The following CDKAL1 variants were observed in gnomAD, a reference collection of about 807,000 sequenced individuals.
CDKAL1 encodes the protein CDKAL1 threonylcarbamoyladenosine tRNA methylthiotransferase, also known as threonylcarbamoyladenosine tRNA methylthiotransferase.
Under a neutral mutation model 68.2 loss-of-function variants are expected in CDKAL1, and 32 were observed. That is an observed-to-expected ratio of 0.47 (90% confidence interval 0.35 to 0.63). CDKAL1 has a LOEUF of 0.63. CDKAL1 is among the 30% of genes least tolerant of loss of function. The pLI, the probability that CDKAL1 is intolerant of heterozygous loss-of-function variation, is 0.00. For synonymous variants in CDKAL1, 234 were observed against 244.3 expected (o/e 0.96, Z 0.39); for missense variants, 606 against 696.7 (o/e 0.87, Z 1.47).
At chr6:20,694,188 ACAAACAAACAAG>A (rs1217325291) in intron 5 of CDKAL1, among the ~76,000 whole-genome samples, 1 of 151,920 alleles carries the variant, frequency 6.6e-6, no homozygotes, top group East Asian at 1.9e-4. Flanking sequence ...AAACAAACAA[ACAAACAAACAAG>A]CAAACAAACA....
chr6:20,810,489 C>T (rs192269372), intron 8 of CDKAL1, among the ~76,000 whole-genome samples: 7 of 149,472 alleles, frequency 4.7e-5, no homozygotes, highest in South Asian at 2.1e-4. Context: ...CTTAGCTACT[C>T]GTGAGGCTGA....
chr6:20,658,520 A>C (rs1395638596), intron 5 of CDKAL1, among the ~76,000 whole-genome samples: 2 of 152,156 alleles, frequency 1.3e-5, no homozygotes, highest in African/African-American at 4.8e-5. Context: ...TATTCTGTTG[A>C]GCAAAACATA....
intron 14 of CDKAL1, among the ~76,000 whole-genome samples, chr6:21,200,348 AAC>A (rs1432943481): frequency 1.3e-5 from 2 of 152,196 alleles, no homozygotes; most frequent in African/African-American, 4.8e-5. Context: ...AGGACTGACA[AAC>A]ACATGCCTTT....
intron 13 of CDKAL1, among the ~76,000 whole-genome samples, chr6:21,126,765 A>G (rs758564538): frequency 1.5e-4 from 23 of 152,242 alleles, no homozygotes; most frequent in Non-Finnish European, 2.8e-4. Context: ...ATTTAGGACT[A>G]TGTTATGAAT....
intron 11 of CDKAL1, among the ~76,000 whole-genome samples, chr6:21,025,102 T>A (rs1446322648): frequency 6.6e-6 from 1 of 152,230 alleles, no homozygotes. Flanking sequence ...AAAATCCACT[T>A]GTCTGATATA....
At chr6:20,680,536 G>A (rs528402255) in intron 5 of CDKAL1, among the ~76,000 whole-genome samples, 2 of 152,196 alleles carry the variant, frequency 1.3e-5, no homozygotes, top group African/African-American at 2.4e-5. Context: ...CCTTACATTC[G>A]GTGCTCAAAC....
At chr6:21,146,573 C>G (rs569047567) in intron 13 of CDKAL1, among the ~76,000 whole-genome samples, 2 of 152,012 alleles carry the variant, frequency 1.3e-5, no homozygotes, top group Non-Finnish European at 1.5e-5. Context: ...AAATTTGGCC[C>G]GGCGTGGTGG....
At chr6:20,785,973 C>A (rs1775654281) in intron 8 of CDKAL1, among the ~76,000 whole-genome samples, 1 of 152,186 alleles carries the variant, frequency 6.6e-6, no homozygotes, top group South Asian at 2.1e-4. Flanking sequence ...GTAATCCCAG[C>A]ACTTTGGGAG....
intron 7 of CDKAL1, 152 bp downstream of exon 7, chr6:20,758,795 C>CA: frequency 1.6e-6 from 1 of 612,414 alleles, no homozygotes. Context: ...ATGAATTTGC[C>CA]AGTCTAATAT....
rs1778673151 is a variant in CDKAL1 at position 21,201,138 on chromosome 6, T to C, written c.1412T>C (p.Met471Thr). 1 of 1,613,344 alleles carries C rather than the reference T, an allele frequency of 6.2e-7. No homozygotes were observed. Residue 471 changes from methionine (M) to threonine (T), a missense_variant, in exon 15 of 16, where the codon ATG (methionine) becomes ACG (threonine). Physicochemically the swap from Met to Thr is moderately conservative, Grantham distance 81. Coordinates refer to ENST00000274695, the MANE Select transcript of CDKAL1 (RefSeq NM_017774.3). ...QVLVPKNPAF[M>T]GKMVEVDIYE... ...TTAGTGCCAAAGAACCCTGCGTTCA[T>C]GGGGAAGATGGTTGAAGTGGACATC...
chr6:20,703,070 G>A (rs774191017), intron 5 of CDKAL1, among the ~76,000 whole-genome samples: 3 of 152,192 alleles, frequency 2.0e-5, no homozygotes, highest in Non-Finnish European at 4.4e-5. Flanking sequence ...AATATGTGTT[G>A]CAAATATAGT....
chr6:20,838,436 T>C (rs542822911), intron 8 of CDKAL1, among the ~76,000 whole-genome samples: 2 of 152,332 alleles, frequency 1.3e-5, no homozygotes, highest in Middle Eastern at 3.4e-3. Flanking sequence ...TTGGAAAGTA[T>C]AGATAATATC....
intron 9 of CDKAL1, among the ~76,000 whole-genome samples, chr6:20,886,091 T>G (rs745487577): frequency 1.3e-5 from 2 of 151,850 alleles, no homozygotes; most frequent in Non-Finnish European, 2.9e-5. Context: ...AGTTAGAAAA[T>G]GGACAAAAGA....
intron 13 of CDKAL1, among the ~76,000 whole-genome samples, chr6:21,153,861 C>T (rs2151053103): frequency 6.6e-6 from 1 of 152,242 alleles, no homozygotes; most frequent in South Asian, 2.1e-4. Context: ...TGCAGGTCCT[C>T]TGGATGTTTA....
intron 12 of CDKAL1, among the ~76,000 whole-genome samples, chr6:21,102,836 T>C (rs1396655278): frequency 1.3e-5 from 2 of 152,232 alleles, no homozygotes; most frequent in Non-Finnish European, 2.9e-5. Flanking sequence ...GTGAGTTGCC[T>C]TGGCTCCTTA....
At chr6:21,206,214 CCA>C in intron 15 of CDKAL1, among the ~76,000 whole-genome samples, 1 of 152,080 alleles carries the variant, frequency 6.6e-6, no homozygotes, top group African/African-American at 2.4e-5. Flanking sequence ...CTTCTGGACA[CCA>C]GTTTCTTTTT....
intron 3 of CDKAL1, among the ~76,000 whole-genome samples, chr6:20,547,251 A>C (rs1443019060): frequency 2.0e-5 from 3 of 152,214 alleles, no homozygotes; most frequent in Admixed American, 1.3e-4. Flanking sequence ...GTTAAAAAGA[A>C]ATGAGATGTC....
At chr6:20,839,264 T>C (rs1778081639) in intron 8 of CDKAL1, among the ~76,000 whole-genome samples, 1 of 152,136 alleles carries the variant, frequency 6.6e-6, no homozygotes. Context: ...ATAAGGAAAA[T>C]ATAATGAGAT....
At chr6:20,534,743 T>C (rs11963450) in intron 1 of CDKAL1, among the ~76,000 whole-genome samples, 169 bp downstream of exon 1, 10,228 of 152,194 alleles carry the variant, frequency 0.067, 476 homozygotes, top group African/African-American at 0.13. Flanking sequence ...AGATGGGGCT[T>C]CCAGGAGCGA....
Sources: allele counts gnomAD v4.1 joint callset (sites outside exome capture counted in the v4.1 genomes callset), GRCh38; gene constraint gnomAD v4.1.1; transcripts MANE v1.5; gene names NCBI Gene and HGNC (gene_info 2026-07-23, HGNC 2026-07-21).